Variants in TAF7L observed in about 807,000 individuals in gnomAD.
TAF7L encodes the protein transcription initiation factor TFIID subunit 7-like.
TAF7L carries 6 observed loss-of-function variants against 30.2 expected under a neutral mutation model. That is an observed-to-expected ratio of 0.20 (90% CI 0.11 to 0.39). TAF7L has a LOEUF of 0.39. Ranked by LOEUF, TAF7L falls within the 10% of genes least tolerant of loss-of-function variation. TAF7L has a pLI of 1.00. For synonymous variants in TAF7L, 93 were observed against 94.5 expected, an observed-to-expected ratio of 0.98 and a Z score of 0.09; for missense variants, 284 against 277.1, an observed-to-expected ratio of 1.03 and a Z score of -0.18.
chrX:101,275,244 T>C lies in TAF7L; in HGVS notation c.1064A>G (p.Gln355Arg). The change falls in exon 12 of 13, where the codon CAG becomes CGG. Residue 355 changes from glutamine (Q) to arginine (R), a missense_variant. Gln to Arg is a conservative substitution (Grantham distance 43, BLOSUM62 1). Transcript: ENST00000356784. ...TACCTTCTCATTTTTTTGTTTTTCCTGTAACTCAAGCTGCTCCAGCACAGA... is the reference window on the plus strand; with the variant it reads ...TACCTTCTCATTTTTTTGTTTTTCCCGTAACTCAAGCTGCTCCAGCACAGA... ...FQSVLEQLEL[Q>R]EKQKNEKLIS... The C allele has an allele frequency of 8.4e-7, 1 of 1,192,430 alleles. No individual in the cohort carries two copies. Among genetic ancestry groups the C allele is most frequent in the Non-Finnish European group, 1.1e-6 (1 of 885,401 alleles).
At chrX:101,277,451 C>CAAAAAAAAAAAAAAAAAAAAAAAA (rs368056727) in intron 9 of TAF7L, among the ~76,000 whole-genome samples, 155 bp downstream of exon 9, 1 of 40,417 alleles carries the variant, frequency 2.5e-5, no homozygotes, top group African/African-American at 1.0e-4. Context: ...GACTCCATCT[C>CAAAAAAAAAAAAAAAAAAAAAAAA]AAAAAAAAAA....
chrX:101,276,412 CTTT>C lies in TAF7L; in HGVS notation c.805_807del (p.Lys269del), dbSNP rs764566943. 9.1e-6 allele frequency: 11 copies of C among 1,205,084 alleles called. No homozygotes were observed. The highest frequency in any genetic ancestry group is 3.0e-5 in the East Asian group (1 of 33,789). On this transcript the variant is annotated inframe_deletion, in exon 10 of 13. Transcript: ENST00000356784. ...TCAGAACAATCTTCCTCCTCCTCTT[CTTT>C]GTCTTCATCTTCATCCTCATCCTCA... is the stretch of plus-strand genomic sequence containing the variant.
At chrX:101,272,230 A>G (rs761941324) in intron 12 of TAF7L, among the ~76,000 whole-genome samples, 19 of 111,805 alleles carry the variant, frequency 1.7e-4, no homozygotes, top group Non-Finnish European at 3.4e-4. Context: ...TTGTCGTTCA[A>G]GTTAGAAATA....
At position 101,282,337 on chromosome X, in the gene TAF7L, C is replaced by A; in HGVS notation, c.396G>T (p.Trp132Cys). ...KERGREEKCVWKHGITPPLKN... is the reference protein window; with the variant it reads ...KERGREEKCVCKHGITPPLKN... ...GGGCTGGTGACTTACTGCCATGCTT[C>A]CAGACACATTTTTCTTCTCTCCCCC... is the stretch of plus-strand genomic sequence containing the variant. Residue 132 changes from tryptophan (W) to cysteine (C), a missense_variant, in exon 5 of 13, where the codon TGG becomes TGT. Transcript: ENST00000356784. The A allele has an allele frequency of 1.7e-6, 2 of 1,211,264 alleles. No homozygotes were observed. The highest frequency in any genetic ancestry group is 2.2e-6 in the Non-Finnish European group (2 of 895,248).
intron 3 of TAF7L, among the ~76,000 whole-genome samples, chrX:101,285,634 G>T: frequency 9.5e-6 from 1 of 105,030 alleles, no homozygotes; most frequent in African/African-American, 3.5e-5. Flanking sequence ...ATTCTAACAG[G>T]TATGAGGTGA....
rs770270906 is a variant in TAF7L at position 101,286,449 on chromosome X, T to C, written c.145+126A>G. The C allele has an allele frequency of 5.6e-4, 252 of 447,170 alleles. 1 individual carries two copies. The highest frequency in any genetic ancestry group is 8.4e-4 in the Non-Finnish European group (225 of 269,321). The allele number at this position is 447,170 out of a possible 1,213,427, so 36.9% of individuals were successfully genotyped here. ...GACTTAAGCCTCTCTAAAGCATGAG[T>C]CCATCAAGTCAGAGACCATATTCTA... is the stretch of plus-strand genomic sequence containing the variant. On this transcript the variant is annotated intron_variant, in intron 3 of 12. Transcript: ENST00000356784.
chrX:101,292,254 AAT>A (rs765201660), upstream of TAF7L, among the ~76,000 whole-genome samples: 6,993 of 46,595 alleles, frequency 0.15, 434 homozygotes, highest in East Asian at 0.4. Context: ...AAAAAAAATA[AAT>A]AAAAAAAATA....
chrX:101,277,516 T>TTG, intron 9 of TAF7L, 90 bp downstream of exon 9: 1 of 409,113 alleles, frequency 2.4e-6, no homozygotes, highest in Non-Finnish European at 4.0e-6. Context: ...TTTTTTTTTT[T>TTG]GGATTGGCCT....
Position 101,291,295 on chromosome X carries a change from G to C in TAF7L, c.-74C>G. On this transcript the variant is annotated 5_prime_UTR_variant, in exon 1 of 13. Transcript: ENST00000356784. ...CGTCTCTGGTCTGTGGGTTCCGGACGAACCGCGCGTGGGCTCCCGCGCGGA... is the reference window on the plus strand; with the variant it reads ...CGTCTCTGGTCTGTGGGTTCCGGACCAACCGCGCGTGGGCTCCCGCGCGGA... The C allele has an allele frequency of 1.3e-6, 1 of 754,429 alleles. No homozygotes were observed. Among genetic ancestry groups the C allele is most frequent in the Non-Finnish European group, 1.6e-6 (1 of 639,221 alleles). The allele number at this position is 754,429 out of a possible 1,213,427, so 62.2% of individuals were successfully genotyped here.
intron 7 of TAF7L, 41 bp downstream of exon 7, chrX:101,278,953 A>T: frequency 8.9e-7 from 1 of 1,126,943 alleles, no homozygotes; most frequent in Non-Finnish European, 1.2e-6. Flanking sequence ...TAAATAAAAC[A>T]CATTAAGGGT....
chrX:101,277,464 A>G (rs1924240285), intron 9 of TAF7L, 142 bp downstream of exon 9: 1 of 373,478 alleles, frequency 2.7e-6, no homozygotes, highest in Non-Finnish European at 4.5e-6. Flanking sequence ...AAAAAAAAAA[A>G]AAAAAAGAGG....
intron 8 of TAF7L, 42 bp downstream of exon 8, chrX:101,278,007 G>A (rs773633655): frequency 1.5e-5 from 17 of 1,130,793 alleles, no homozygotes; most frequent in Non-Finnish European, 2.1e-5. Context: ...TGTACAAATG[G>A]GGCAGAACAG....
At chrX:101,289,577 C>CTTTTG (rs372402221) in intron 1 of TAF7L, among the ~76,000 whole-genome samples, 38 of 111,050 alleles carry the variant, frequency 3.4e-4, no homozygotes, top group African/African-American at 1.2e-3. Flanking sequence ...AGGGCCCACA[C>CTTTTG]TTTTGTTTTG....
chrX:101,278,200 C>T (rs1042026809), intron 7 of TAF7L, 79 bp from the exon 8 acceptor site: 14 of 748,354 alleles, frequency 1.9e-5, no homozygotes, highest in South Asian at 5.0e-5. Flanking sequence ...TGCCCTCCTA[C>T]GTACCAACGA....
At chrX:101,287,943 A>G (rs991574848) in intron 1 of TAF7L, 2 of 123,073 alleles carry the variant, frequency 1.6e-5, no homozygotes, top group African/African-American at 6.4e-5. Flanking sequence ...GCAAACCAAA[A>G]GCTGAAATTC....
chrX:101,273,705 T>C (rs757263963), intron 12 of TAF7L, among the ~76,000 whole-genome samples: 1 of 112,116 alleles, frequency 8.9e-6, no homozygotes, highest in East Asian at 2.8e-4. Flanking sequence ...AACCATACAC[T>C]ATGGTCTCTG....
intron 11 of TAF7L, among the ~76,000 whole-genome samples, 172 bp from the exon 12 acceptor site, chrX:101,275,453 C>T (rs781297380): frequency 1.3e-4 from 14 of 110,666 alleles, no homozygotes; most frequent in East Asian, 2.9e-4. Context: ...ATGCAACCTC[C>T]GCCTCCCAGG....
intron 1 of TAF7L, among the ~76,000 whole-genome samples, chrX:101,290,161 C>T (rs1924745931): frequency 9.1e-6 from 1 of 110,359 alleles, no homozygotes; most frequent in Non-Finnish European, 1.9e-5. Context: ...GGCGCCACTG[C>T]ACTCCAGCTT....
intron 11 of TAF7L, among the ~76,000 whole-genome samples, chrX:101,275,666 G>T (rs772012463): frequency 1.1e-4 from 12 of 111,333 alleles, no homozygotes; most frequent in Middle Eastern, 9.3e-3. Context: ...AAATGGGAGT[G>T]GTGACAGTAT....
Sources: allele counts gnomAD v4.1 joint callset (sites outside exome capture counted in the v4.1 genomes callset), GRCh38; gene constraint gnomAD v4.1.1; transcripts MANE v1.5; gene names NCBI Gene and HGNC (gene_info 2026-07-23, HGNC 2026-07-21).